Variants in BHMT observed in about 807,000 individuals in gnomAD.
BHMT encodes the protein betaine--homocysteine S-methyltransferase, also known as betaine--homocysteine S-methyltransferase 1.
BHMT carries 38 observed loss-of-function variants against 49.5 expected under a neutral mutation model. The observed-to-expected ratio is 0.77, with a 90% CI of 0.59 to 1.01. BHMT has a LOEUF of 1.01. BHMT is among the 50% of genes least tolerant of loss of function. The probability of loss-of-function intolerance (pLI) is 0.00; values close to 1 mark genes in which losing one functional copy is unlikely to be tolerated. For synonymous variants in BHMT, 166 were observed against 176.3 expected, an observed-to-expected ratio of 0.94 and a Z score of 0.46; for missense variants, 426 against 495.7, an observed-to-expected ratio of 0.86 and a Z score of 1.34.
intron 1 of BHMT, 120 bp downstream of exon 1, chr5:79,112,038 CT>C: frequency 8.6e-7 from 1 of 1,168,700 alleles, no homozygotes; most frequent in Non-Finnish European, 1.2e-6. Flanking sequence ...CTCCTACTCC[CT>C]CCCCTCCCTC....
chr5:79,115,650 T>C (rs1054087951), intron 1 of BHMT, 117 bp from the exon 2 acceptor site: 3 of 1,193,962 alleles, frequency 2.5e-6, no homozygotes, highest in Admixed American at 5.3e-5. Flanking sequence ...TACATTTTTC[T>C]CTGAAAATTC....
chr5:79,123,120 G>A (rs969707900), intron 5 of BHMT, among the ~76,000 whole-genome samples: 1 of 152,192 alleles, frequency 6.6e-6, no homozygotes, highest in Non-Finnish European at 1.5e-5. Flanking sequence ...CCAAGAGAAG[G>A]GGAGTGTCAA....
chr5:79,122,171 G>C (rs1756483268), intron 5 of BHMT, among the ~76,000 whole-genome samples: 1 of 152,072 alleles, frequency 6.6e-6, no homozygotes, highest in Non-Finnish European at 1.5e-5. Flanking sequence ...TCGAACTCCT[G>C]ACCTCGTGAT....
chr5:79,130,969 C>A lies in BHMT; in HGVS notation c.1074C>A (p.Ala358=). ...AATACTGGGAGAATCTTCGGATAGC[C>A]TCAGGCCGGCCATACAACCCTTCAA... ...RKEYWENLRI[A]SGRPYNPSMS... The change falls in exon 8 of 8, where the codon GCC becomes GCA. Residue 358 remains alanine (A), a synonymous_variant. Transcript: ENST00000274353. 1 of 1,613,774 alleles carries A rather than the reference C, an allele frequency of 6.2e-7. No individual in the cohort carries two copies. Among genetic ancestry groups the A allele is most frequent in the Non-Finnish European group, 8.5e-7 (1 of 1,179,894 alleles).
At chr5:79,117,783 A>G (rs1189342356) in intron 2 of BHMT, among the ~76,000 whole-genome samples, 2 of 152,208 alleles carry the variant, frequency 1.3e-5, no homozygotes, top group Non-Finnish European at 1.5e-5. Flanking sequence ...ATTTCAAAAT[A>G]ATTTTCAGGA....
At position 79,131,113 on chromosome 5, in the gene BHMT, G is replaced by C. The variant is rs750512276; in HGVS notation, c.1218G>C (p.Gln406His). The change falls in exon 8 of 8, where the codon CAG becomes CAC. Residue 406 changes from glutamine to histidine, a missense_variant. Gln to His is a conservative substitution (Grantham distance 24). Coordinates refer to ENST00000274353, the MANE Select transcript of BHMT (RefSeq NM_001713.3). ...TTGAAAAACAAAAATTCAAATCACAGTAGCCTCGATAGAAGCTATTTTTGA... is the reference window on the plus strand; with the variant it reads ...TTGAAAAACAAAAATTCAAATCACACTAGCCTCGATAGAAGCTATTTTTGA... ...ELFEKQKFKSQ is the reference protein window; with the variant it reads ...ELFEKQKFKSH 6.2e-7 allele frequency: 1 copy of C among 1,611,586 alleles called. No homozygotes were observed. Among genetic ancestry groups the C allele is most frequent in the Non-Finnish European group, 8.5e-7 (1 of 1,178,840 alleles).
chr5:79,130,496 C>A lies in BHMT; in HGVS notation c.1038-437C>A, dbSNP rs549440626. ...AAAAGTAAAATACAGTGTACAGTAA[C>A]CTTTTAATCAAAACACAGCATCATG... On this transcript the variant is annotated intron_variant, in intron 7 of 7. Transcript: ENST00000274353. 1.3e-3 allele frequency among the ~76,000 whole-genome samples: 192 copies of A among 152,018 alleles called. 3 individuals are homozygous for A. The South Asian group carries it at 0.038, about 30-fold the overall frequency.
intron 2 of BHMT, among the ~76,000 whole-genome samples, chr5:79,118,473 C>A (rs1477731125): frequency 6.6e-6 from 1 of 150,692 alleles, no homozygotes; most frequent in Non-Finnish European, 1.5e-5. Context: ...TCTCAAAAAA[C>A]AAACAAACAA....
Position 79,125,896 on chromosome 5 carries a change from TC to T in BHMT, c.626-149del, listed in dbSNP as rs1479483312. On this transcript the variant is annotated intron_variant, in intron 5 of 7. Coordinates refer to ENST00000274353, the MANE Select transcript of BHMT (RefSeq NM_001713.3). ...AGGTGGAGACTGCAGTGAGCTGAGATCACGCTACTGCACTCCAGCCTGGGCA... is the reference window on the plus strand; with the variant it reads ...AGGTGGAGACTGCAGTGAGCTGAGATACGCTACTGCACTCCAGCCTGGGCA... The T allele has an allele frequency of 5.5e-6, 4 of 721,820 alleles. No individual in the cohort carries two copies. In the African/African-American group the frequency reaches 7.1e-5, roughly 13 times the overall value. The allele number at this position is 721,820 out of a possible 1,614,324, so 44.7% of individuals were successfully genotyped here.
chr5:79,114,201 T>C (rs763563838), intron 1 of BHMT, among the ~76,000 whole-genome samples: 2 of 151,938 alleles, frequency 1.3e-5, no homozygotes, highest in Non-Finnish European at 2.9e-5. Context: ...ATTGCAATCA[T>C]GACAAATATT....
intron 5 of BHMT, among the ~76,000 whole-genome samples, chr5:79,122,572 C>CA (rs1172874677): frequency 2.3e-4 from 34 of 148,412 alleles, no homozygotes; most frequent in Non-Finnish European, 3.1e-4. Context: ...GCACAACATC[C>CA]AAAAAAAAAG....
chr5:79,120,624 G>A, intron 4 of BHMT, 83 bp downstream of exon 4: 2 of 1,294,008 alleles, frequency 1.5e-6, no homozygotes, highest in Non-Finnish European at 1.0e-6. Context: ...ACTGTGTGGG[G>A]TTAGGTGACA....
At chr5:79,125,384 A>T (rs1014555240) in intron 5 of BHMT, among the ~76,000 whole-genome samples, 5 of 151,720 alleles carry the variant, frequency 3.3e-5, no homozygotes, top group African/African-American at 1.2e-4. Flanking sequence ...TGAACCCAGG[A>T]AGCAGAGGCT....
At chr5:79,119,408 A>G (rs767043338) in intron 3 of BHMT, 31 bp downstream of exon 3, 38 of 1,550,444 alleles carry the variant, frequency 2.5e-5, no homozygotes, top group Non-Finnish European at 3.3e-5. Context: ...GACTTTTAGA[A>G]GGATATTGTC....
chr5:79,119,191 T>G, intron 2 of BHMT, 68 bp from the exon 3 acceptor site: 2 of 1,250,050 alleles, frequency 1.6e-6, no homozygotes, highest in East Asian at 2.4e-5. Context: ...CTTGTTTATC[T>G]GAGAGCCATT....
Position 79,131,121 on chromosome 5 carries a change from G to C in BHMT, c.*5G>C, listed in dbSNP as rs1403925736. ...CAAAAATTCAAATCACAGTAGCCTC[G>C]ATAGAAGCTATTTTTGATGAATTTC... On this transcript the variant is annotated 3_prime_UTR_variant, in exon 8 of 8. Transcript: ENST00000274353. 10 of 1,603,900 alleles carry C rather than the reference G, an allele frequency of 6.2e-6. No homozygotes were observed. In the Admixed American group the frequency reaches 1.4e-4, roughly 22 times the overall value.
intron 7 of BHMT, among the ~76,000 whole-genome samples, chr5:79,130,572 C>T (rs1225989729): frequency 1.3e-5 from 2 of 151,560 alleles, no homozygotes; most frequent in African/African-American, 2.4e-5. Context: ...GCAGCTGACA[C>T]GGGTATTCTA....
At chr5:79,114,092 T>C (rs1756348408) in intron 1 of BHMT, among the ~76,000 whole-genome samples, 1 of 147,762 alleles carries the variant, frequency 6.8e-6, no homozygotes, top group South Asian at 2.1e-4. Context: ...GTAGTATATA[T>C]ATATATATAT....
chr5:79,113,758 G>T (rs78474539), intron 1 of BHMT, among the ~76,000 whole-genome samples: 4,411 of 152,074 alleles, frequency 0.029, 111 homozygotes, highest in African/African-American at 0.077. Context: ...AGTCTGTTTA[G>T]CTTGGGAACA....
Sources: gnomAD v4.1 joint callset for allele counts (sites outside exome capture counted in the v4.1 genomes callset) on GRCh38, gnomAD v4.1.1 for gene constraint, MANE v1.5 for transcripts, NCBI Gene and HGNC (gene_info 2026-07-23, HGNC 2026-07-21) for gene names.